GTF3C2: variants seen among roughly 807,000 people sequenced by gnomAD.
GTF3C2 encodes general transcription factor IIIC subunit 2.
In GTF3C2, 17 loss-of-function variants were observed where a neutral mutation model predicts 117.4. The observed-to-expected ratio is 0.14, with a 90% CI of 0.10 to 0.22. GTF3C2 has a LOEUF of 0.22. Among genes scored for constraint, GTF3C2 ranks in the 10% least tolerant of loss-of-function variants. The pLI is 1.00. For missense variants in GTF3C2, 888 were observed against 1,143.6 expected (o/e 0.78, Z 3.22); for synonymous variants, 437 against 427.0 (o/e 1.02, Z -0.29).
intron 7 of GTF3C2, chr2:27,336,915 AGTCT>A (rs1332897718): frequency 1.1e-5 from 3 of 266,974 alleles, no homozygotes; most frequent in Non-Finnish European, 2.1e-5. Flanking sequence ...CGGCCTCCAA[AGTCT>A]GTCTAACTCC....
chr2:27,326,812 G>C, exon 19 of GTF3C2: 1 of 1,613,742 alleles, frequency 6.2e-7, no homozygotes, highest in Non-Finnish European at 8.5e-7. Flanking sequence ...GCGAGTCCAC[G>C]GACAAAATGG....
chr2:27,349,538 T>C (rs1681050186), intron 1 of GTF3C2, among the ~76,000 whole-genome samples: 1 of 152,064 alleles, frequency 6.6e-6, no homozygotes, highest in South Asian at 2.1e-4. Context: ...AAAGATCAAC[T>C]AAAATGTACA....
chr2:27,341,844 C>T, intron 4 of GTF3C2, 104 bp downstream of exon 4: 3 of 983,058 alleles, frequency 3.1e-6, no homozygotes, highest in Non-Finnish European at 4.6e-6. Context: ...CCTGTTTTGT[C>T]TATTATAGTT....
intron 1 of GTF3C2, among the ~76,000 whole-genome samples, chr2:27,355,636 C>G (rs531084952): frequency 6.6e-6 from 1 of 152,206 alleles, no homozygotes; most frequent in East Asian, 1.9e-4. Context: ...TTTCTAAAAC[C>G]TTCCATTGCA....
At chr2:27,327,413 C>G (rs911411753) in intron 17 of GTF3C2, 129 bp from the exon 18 acceptor site, 1 of 489,012 alleles carries the variant, frequency 2.0e-6, no homozygotes, top group African/African-American at 2.0e-5. Context: ...ACAACCTGTG[C>G]TTCCCAGGTT....
At chr2:27,341,067 A>G (rs1356924218) in intron 4 of GTF3C2, among the ~76,000 whole-genome samples, 1 of 151,936 alleles carries the variant, frequency 6.6e-6, no homozygotes, top group Non-Finnish European at 1.5e-5. Context: ...ATGGAGTCTC[A>G]CTGTCTCACC....
intron 7 of GTF3C2, 130 bp from the exon 8 acceptor site, chr2:27,336,555 G>A: frequency 1.6e-6 from 1 of 618,656 alleles, no homozygotes; most frequent in Non-Finnish European, 2.9e-6. Context: ...CAGTTTACAA[G>A]TGAGAACAGA....
chr2:27,342,990 C>G (rs762458140), exon 3 of GTF3C2: 3 of 1,614,198 alleles, frequency 1.9e-6, no homozygotes, highest in Admixed American at 3.3e-5. Context: ...TGGGGGTGGA[C>G]AGAGGGTTGG....
intron 5 of GTF3C2, 76 bp downstream of exon 5, chr2:27,337,850 G>A (rs1215640879): frequency 1.3e-5 from 11 of 855,330 alleles, no homozygotes; most frequent in African/African-American, 3.3e-5. Context: ...TCTTTCCCAC[G>A]GCCCCACTTC....
chr2:27,335,732 C>T (rs1422560502), intron 9 of GTF3C2, 26 bp from the exon 10 acceptor site: 2 of 1,432,780 alleles, frequency 1.4e-6, no homozygotes, highest in Non-Finnish European at 1.9e-6. Context: ...TATGCTGAGG[C>T]TTGCTGCCTT....
intron 1 of GTF3C2, among the ~76,000 whole-genome samples, chr2:27,349,833 TC>T (rs949392171): frequency 6.6e-6 from 1 of 151,880 alleles, no homozygotes; most frequent in African/African-American, 2.4e-5. Flanking sequence ...AGAGACGGGG[TC>T]TGGCTGTGTT....
At chr2:27,344,962 G>A (rs569185527) in intron 1 of GTF3C2, among the ~76,000 whole-genome samples, 39 of 151,584 alleles carry the variant, frequency 2.6e-4, no homozygotes, top group Non-Finnish European at 5.0e-4. Flanking sequence ...TCCAGCCTGG[G>A]TATGGTATTT....
chr2:27,328,916 C>T, exon 15 of GTF3C2: 1 of 1,605,458 alleles, frequency 6.2e-7, no homozygotes, highest in East Asian at 2.2e-5. Context: ...TATAATGAAT[C>T]CCACAGAGTC....
intron 1 of GTF3C2, among the ~76,000 whole-genome samples, chr2:27,349,488 G>A (rs1224432211): frequency 1.3e-5 from 2 of 152,082 alleles, no homozygotes. Context: ...TGCTTTTCAA[G>A]AGATGCCTAA....
At chr2:27,347,619 G>A (rs933905810) in intron 1 of GTF3C2, among the ~76,000 whole-genome samples, 1 of 152,220 alleles carries the variant, frequency 6.6e-6, no homozygotes, top group African/African-American at 2.4e-5. Flanking sequence ...TTTTGAAGAA[G>A]TGATTCAGAA....
chr2:27,332,053 AG>A (rs898031788), intron 12 of GTF3C2, among the ~76,000 whole-genome samples: 32 of 152,358 alleles, frequency 2.1e-4, no homozygotes, highest in African/African-American at 7.7e-4. Flanking sequence ...CTTATAGTGA[AG>A]GAACATTCAT....
chr2:27,338,051 A>G (rs1043763120), intron 4 of GTF3C2, 31 bp from the exon 5 acceptor site: 1 of 1,359,140 alleles, frequency 7.4e-7, no homozygotes, highest in Non-Finnish European at 1.1e-6. Context: ...AATATAAGGG[A>G]GCAAATTCTA....
chr2:27,355,382 T>C (rs1681301848), intron 1 of GTF3C2, among the ~76,000 whole-genome samples: 3 of 152,044 alleles, frequency 2.0e-5, no homozygotes, highest in Admixed American at 6.6e-5. Flanking sequence ...TAGCCGGGCA[T>C]GGTGGCACGC....
At chr2:27,351,329 G>A (rs1040374556) in intron 1 of GTF3C2, among the ~76,000 whole-genome samples, 7 of 152,110 alleles carry the variant, frequency 4.6e-5, no homozygotes, top group Admixed American at 4.6e-4. Context: ...CAGGAGAATC[G>A]CTGGAACCTG....
Sources: gnomAD v4.1 joint callset for allele counts (sites outside exome capture counted in the v4.1 genomes callset) on GRCh38, gnomAD v4.1.1 for gene constraint, MANE v1.5 for transcripts, NCBI Gene and HGNC (gene_info 2026-07-23, HGNC 2026-07-21) for gene names.